ARSG: variants seen among roughly 807,000 people sequenced by gnomAD.
ARSG encodes the protein arylsulfatase G, also known as ASG.
Under a neutral mutation model 50.5 loss-of-function variants are expected in ARSG, and 37 were observed. That is an observed-to-expected ratio of 0.73 (90% CI 0.56 to 0.96). The LOEUF (loss-of-function observed/expected upper bound fraction) is 0.96, where lower values mean the gene tolerates loss of function less well. Ranked by LOEUF, ARSG falls within the 50% of genes least tolerant of loss-of-function variation. The probability of loss-of-function intolerance (pLI) is 0.00; values close to 1 mark genes in which losing one functional copy is unlikely to be tolerated. For missense variants in ARSG, 629 were observed against 675.3 expected (o/e 0.93, Z 0.76); for synonymous variants, 225 against 254.6 (o/e 0.88, Z 1.11).
chr17:68,277,801 C>T (rs550062125), intron 1 of ARSG, among the ~76,000 whole-genome samples: 1 of 152,256 alleles, frequency 6.6e-6, no homozygotes, highest in South Asian at 2.1e-4. Flanking sequence ...TGACTGCACT[C>T]CTTAAGGGAA....
downstream of ARSG, chr17:68,424,335 C>A (rs916090560): frequency 6.3e-6 from 3 of 474,246 alleles, no homozygotes; most frequent in Admixed American, 7.1e-5. Flanking sequence ...AACAACAGCC[C>A]CAGCCCTGCA....
At chr17:68,293,926 C>G (rs1350940916) in intron 1 of ARSG, among the ~76,000 whole-genome samples, 3 of 152,206 alleles carry the variant, frequency 2.0e-5, no homozygotes, top group African/African-American at 4.8e-5. Context: ...TTCCCTCAAT[C>G]CTAGTGAGAC....
At chr17:68,411,391 C>T (rs1334410320) in intron 11 of ARSG, among the ~76,000 whole-genome samples, 3 of 152,202 alleles carry the variant, frequency 2.0e-5, no homozygotes, top group African/African-American at 2.4e-5. Flanking sequence ...ACCCAGTAGT[C>T]ATTCAGGAGC....
chr17:68,275,711 G>T (rs1184454009), intron 1 of ARSG, among the ~76,000 whole-genome samples: 1 of 152,128 alleles, frequency 6.6e-6, no homozygotes, highest in Non-Finnish European at 1.5e-5. Flanking sequence ...GCTGGGTGCG[G>T]TGGCTTACAC....
At chr17:68,269,893 G>A (rs1309323858) in intron 1 of ARSG, among the ~76,000 whole-genome samples, 5 of 151,942 alleles carry the variant, frequency 3.3e-5, no homozygotes, top group African/African-American at 1.2e-4. Flanking sequence ...GGCTGGTCTG[G>A]AACTCCTGAC....
Position 68,343,724 on chromosome 17 carries a change from C to T in ARSG, c.339C>T (p.Gly113=). ...ACTTTGCAGTCACTTCTGTGGGAGGCCTTCCGCTCAACGAGACCACCTTGG... is the reference window on the plus strand; with the variant it reads ...ACTTTGCAGTCACTTCTGTGGGAGGTCTTCCGCTCAACGAGACCACCTTGG... ...TRNFAVTSVG[G]LPLNETTLAE... The change falls in exon 3 of 12, where the codon GGC becomes GGT. Residue 113 remains glycine (G), a synonymous_variant. Transcript: ENST00000621439. The T allele has an allele frequency of 6.2e-7, 1 of 1,614,166 alleles. No homozygotes were observed. Among genetic ancestry groups the T allele is most frequent in the African/African-American group, 1.3e-5 (1 of 75,046 alleles).
intron 2 of ARSG, among the ~76,000 whole-genome samples, chr17:68,341,064 G>T (rs2078246284): frequency 6.6e-6 from 1 of 151,950 alleles, no homozygotes; most frequent in African/African-American, 2.4e-5. Flanking sequence ...ACCCAATATT[G>T]CCACCAGTGG....
chr17:68,320,085 G>A (rs1180946676), intron 2 of ARSG, among the ~76,000 whole-genome samples: 2 of 152,058 alleles, frequency 1.3e-5, no homozygotes, highest in African/African-American at 2.4e-5. Context: ...CCAGGAGTTC[G>A]AGACCAGCCT....
At chr17:68,442,288 A>C in the ARSG span, among the ~76,000 whole-genome samples, 3 of 152,086 alleles carry the variant, frequency 2.0e-5, 1 homozygote, top group South Asian at 2.1e-4. Flanking sequence ...ACATGGTGAA[A>C]TCCTATCTCT....
chr17:68,430,119 T>C, the ARSG span: 3 of 1,614,074 alleles, frequency 1.9e-6, no homozygotes, highest in Non-Finnish European at 2.5e-6. Context: ...CATAAACATC[T>C]TTCCCATGTA....
At chr17:68,299,554 G>A (rs1206240232) in intron 1 of ARSG, among the ~76,000 whole-genome samples, 3 of 151,894 alleles carry the variant, frequency 2.0e-5, no homozygotes, top group Non-Finnish European at 4.4e-5. Flanking sequence ...CAGGAAAACG[G>A]GTCCAGGGAA....
the ARSG span, chr17:68,436,506 A>G: frequency 2.5e-6 from 4 of 1,605,626 alleles, no homozygotes; most frequent in Non-Finnish European, 3.4e-6. Flanking sequence ...AGAACATGAG[A>G]AGCCTGGGGC....
chr17:68,331,697 C>T (rs747536403), intron 2 of ARSG, among the ~76,000 whole-genome samples: 5 of 152,282 alleles, frequency 3.3e-5, no homozygotes, highest in Admixed American at 1.3e-4. Flanking sequence ...TGATATTTCA[C>T]GTGCGTCCTT....
intron 1 of ARSG, among the ~76,000 whole-genome samples, chr17:68,293,567 T>A (rs1314202920): frequency 6.6e-6 from 1 of 152,188 alleles, no homozygotes; most frequent in Admixed American, 6.5e-5. Flanking sequence ...TTAATATTAA[T>A]CTTTTTTAAA....
intron 11 of ARSG, among the ~76,000 whole-genome samples, chr17:68,415,929 C>T (rs1049988750): frequency 3.9e-5 from 6 of 152,110 alleles, no homozygotes; most frequent in Admixed American, 6.6e-5. Flanking sequence ...ATGAGTCTCC[C>T]GAAGGCAGCA....
At chr17:68,433,360 A>C in the ARSG span, 1 of 1,057,552 alleles carries the variant, frequency 9.5e-7, no homozygotes, top group South Asian at 1.4e-5. Context: ...TCCCAAGTGA[A>C]GCCAAGATTG....
At chr17:68,291,044 A>C (rs2075968032), upstream of ARSG, 1 of 152,240 alleles carries the variant, frequency 6.6e-6, no homozygotes, top group Admixed American at 6.5e-5. Flanking sequence ...CCCACATCCC[A>C]CAATCAAACT....
intron 8 of ARSG, among the ~76,000 whole-genome samples, chr17:68,374,564 C>T (rs1232245326): frequency 6.6e-6 from 1 of 152,042 alleles, no homozygotes; most frequent in Non-Finnish European, 1.5e-5. Flanking sequence ...AATACATTTA[C>T]TAGCTGGCCA....
intron 5 of ARSG, among the ~76,000 whole-genome samples, chr17:68,353,602 C>G (rs577312171): frequency 6.6e-6 from 1 of 152,354 alleles, no homozygotes; most frequent in South Asian, 2.1e-4. Flanking sequence ...TGCTGCCCTT[C>G]TTACCCACCG....
Sources: allele counts gnomAD v4.1 joint callset (sites outside exome capture counted in the v4.1 genomes callset), GRCh38; gene constraint gnomAD v4.1.1; transcripts MANE v1.5; gene names NCBI Gene and HGNC (gene_info 2026-07-23, HGNC 2026-07-21).